The following FAT4 variants were observed in gnomAD, a reference collection of about 807,000 sequenced individuals.
The protein encoded by FAT4 is FAT atypical cadherin 4.
Under a neutral mutation model 303.9 loss-of-function variants are expected in FAT4, and 84 were observed. The observed-to-expected ratio is 0.28, with a 90% CI of 0.23 to 0.33. The LOEUF (loss-of-function observed/expected upper bound fraction) is 0.33, where lower values mean the gene tolerates loss of function less well. Among genes scored for constraint, FAT4 ranks in the 10% least tolerant of loss-of-function variants. FAT4 has a pLI of 1.00. For missense variants in FAT4, 6,005 were observed against 6,146.8 expected (o/e 0.98, Z 0.77); for synonymous variants, 2,307 against 2,298.8 (o/e 1.00, Z -0.10).
At chr4:125,334,378 A>G (rs574544353) in intron 2 of FAT4, among the ~76,000 whole-genome samples, 1 of 152,054 alleles carries the variant, frequency 6.6e-6, no homozygotes, top group East Asian at 1.9e-4. Context: ...TGTTGTCCCT[A>G]AATCCCATTT....
At chr4:125,352,789 T>G (rs957169370) in intron 2 of FAT4, among the ~76,000 whole-genome samples, 5 of 151,790 alleles carry the variant, frequency 3.3e-5, no homozygotes, top group Non-Finnish European at 1.5e-5. Flanking sequence ...TAGGGCTTTC[T>G]TCTGCTTCTT....
chr4:125,468,812 C>T lies in FAT4; in HGVS notation c.12206C>T (p.Ala4069Val), dbSNP rs1726762911. ...TTTCACACTGTGATTGCCAGGAGAGCAGGAATGGTAAGATATTTCATTTTA... is the reference window on the plus strand; with the variant it reads ...TTTCACACTGTGATTGCCAGGAGAGTAGGAATGGTAAGATATTTCATTTTA... ...GHFHTVIARRAGMAASLTVDS... is the reference protein window; with the variant it reads ...GHFHTVIARRVGMAASLTVDS... The change falls in exon 12 of 18, where the codon GCA becomes GTA. Residue 4069 changes from alanine (A) to valine (V), a missense_variant. Physicochemically the swap from Ala to Val is moderately conservative, Grantham distance 64. Transcript: ENST00000394329. The T allele has an allele frequency of 1.9e-6, 3 of 1,607,752 alleles. No individual in the cohort carries two copies. Among genetic ancestry groups the T allele is most frequent in the African/African-American group, 1.3e-5 (1 of 74,758 alleles).
chr4:125,339,422 T>A (rs554352099), intron 2 of FAT4, among the ~76,000 whole-genome samples: 66 of 152,184 alleles, frequency 4.3e-4, no homozygotes, highest in African/African-American at 1.6e-3. Flanking sequence ...GGTCTCGATC[T>A]TCTGACCTCG....
rs114232963 is a variant in FAT4 at position 125,481,289 on chromosome 4, A to G, written c.12605-232A>G. On this transcript the variant is annotated intron_variant, in intron 15 of 17. Coordinates refer to ENST00000394329, the MANE Select transcript of FAT4 (RefSeq NM_001291303.3). ...TAGTAAAATATTTCCCAAATGGTTA[A>G]TGACTGTCATAGAGTATTTTAAGTT... 2.0e-3 allele frequency among the ~76,000 whole-genome samples: 311 copies of G among 152,324 alleles called. 2 individuals carry two copies. Among genetic ancestry groups the G allele is most frequent in the African/African-American group, 6.9e-3 (285 of 41,584 alleles).
chr4:125,420,995 A>T (rs1473659548), intron 7 of FAT4, among the ~76,000 whole-genome samples: 1 of 152,130 alleles, frequency 6.6e-6, no homozygotes, highest in Non-Finnish European at 1.5e-5. Context: ...TAGTGGCATG[A>T]TCTTGGCTCA....
intron 2 of FAT4, among the ~76,000 whole-genome samples, chr4:125,354,300 ACACT>A (rs2125980547): frequency 6.6e-6 from 1 of 151,874 alleles, no homozygotes; most frequent in Non-Finnish European, 1.5e-5. Context: ...TATTTTGGTA[ACACT>A]CAACATGTAC....
chr4:125,411,122 G>C (rs1362402584), intron 5 of FAT4, among the ~76,000 whole-genome samples: 4 of 151,934 alleles, frequency 2.6e-5, no homozygotes, highest in Non-Finnish European at 5.9e-5. Flanking sequence ...TGATCAGAAG[G>C]TTCCAATGAG....
chr4:125,469,418 C>G (rs1486949745), intron 12 of FAT4, among the ~76,000 whole-genome samples: 1 of 152,156 alleles, frequency 6.6e-6, no homozygotes, highest in African/African-American at 2.4e-5. Flanking sequence ...AAAGATTTCT[C>G]TGTAGCATTT....
intron 10 of FAT4, among the ~76,000 whole-genome samples, 159 bp downstream of exon 10, chr4:125,452,969 CT>C (rs1333507262): frequency 1.3e-5 from 2 of 152,104 alleles, no homozygotes; most frequent in African/African-American, 4.8e-5. Flanking sequence ...GTTCTAAGCA[CT>C]TTTTATGTAT....
chr4:125,365,603 A>G (rs1265983762), intron 2 of FAT4, among the ~76,000 whole-genome samples: 2 of 152,174 alleles, frequency 1.3e-5, no homozygotes, highest in Non-Finnish European at 1.5e-5. Context: ...TTGCCAGGAG[A>G]TTCATAGACT....
At position 125,440,090 on chromosome 4, in the gene FAT4, C is replaced by T. The variant is rs566881351; in HGVS notation, c.7199+5665C>T. On this transcript the variant is annotated intron_variant, in intron 8 of 17. Transcript: ENST00000394329. ...TTTTTTCTTTTTATTCTTCTCATAT[C>T]ATCTTTTTTACTCCTAATATATTCT... Among the ~76,000 whole-genome samples, 6 of 152,150 alleles carry T rather than the reference C, an allele frequency of 3.9e-5. No homozygotes were observed. In the South Asian group the frequency reaches 1.2e-3, roughly 32 times the overall value.
intron 16 of FAT4, 132 bp from the exon 17 acceptor site, chr4:125,487,213 T>A: frequency 2.7e-6 from 2 of 729,488 alleles, no homozygotes; most frequent in Non-Finnish European, 4.3e-6. Flanking sequence ...GTAAGTATAT[T>A]CTAATACAAC....
chr4:125,375,172 G>C (rs984221688), intron 2 of FAT4, among the ~76,000 whole-genome samples: 3 of 152,122 alleles, frequency 2.0e-5, no homozygotes, highest in Non-Finnish European at 4.4e-5. Flanking sequence ...TAGTGATTTA[G>C]CAACCACAAA....
rs772525739 is a variant in FAT4, at chr4:125,316,810, C to T, written c.399C>T (p.Pro133=). 1.4e-5 allele frequency: 22 copies of T among 1,613,976 alleles called. No individual in the cohort carries two copies. The highest frequency in any genetic ancestry group is 1.8e-5 in the Non-Finnish European group (21 of 1,179,976). The change falls in exon 2 of 18, where the codon CCC becomes CCT. Residue 133 remains proline (P), a synonymous_variant. Coordinates refer to ENST00000394329, the MANE Select transcript of FAT4 (RefSeq NM_001291303.3). The surrounding 1 kb of genome is among the most constrained non-coding windows in gnomAD (Gnocchi z 5.7). The part of the protein sequence containing the change: ...VLVRDLNDNA[P]VFPDPSIVVT... ...TGCGGGACCTCAATGACAACGCCCC[C>T]GTTTTCCCGGACCCCTCTATCGTGG...
At chr4:125,396,949 T>G (rs1474809618) in intron 2 of FAT4, among the ~76,000 whole-genome samples, 8 of 108,446 alleles carry the variant, frequency 7.4e-5, no homozygotes, top group African/African-American at 2.5e-4. Context: ...TATATATATA[T>G]ATATATATAT....
Position 125,317,723 on chromosome 4 carries a change from G to C in FAT4, c.1312G>C (p.Val438Leu). The change falls in exon 2 of 18, where the codon GTT (valine) becomes CTT (leucine). Residue 438 changes from valine (V) to leucine (L), a missense_variant. By Grantham distance (32) the Val-to-Leu change is conservative. Transcript: ENST00000394329. This position sits in a 1 kb window ranked among gnomAD's most constrained non-coding sequence, Gnocchi z 7.0. ...RERIPSYNLT[V>L]SVSDNYGAPP... ...GCGCATCCCTTCCTACAACCTCACAGTTTCCGTCTCTGATAACTACGGGGC... is the reference window on the plus strand; with the variant it reads ...GCGCATCCCTTCCTACAACCTCACACTTTCCGTCTCTGATAACTACGGGGC... The C allele has an allele frequency of 6.2e-7, 1 of 1,614,104 alleles. No individual in the cohort carries two copies. Among genetic ancestry groups the C allele is most frequent in the Non-Finnish European group, 8.5e-7 (1 of 1,180,028 alleles).
chr4:125,388,105 A>G (rs1474358622), intron 2 of FAT4, among the ~76,000 whole-genome samples: 1 of 152,206 alleles, frequency 6.6e-6, no homozygotes, highest in Admixed American at 6.5e-5. Context: ...ATACTGTTCT[A>G]GTGACCATGG....
intron 10 of FAT4, among the ~76,000 whole-genome samples, chr4:125,455,413 T>G (rs1204473380): frequency 6.6e-6 from 1 of 152,206 alleles, no homozygotes; most frequent in Admixed American, 6.5e-5. Flanking sequence ...AAAAATGCCT[T>G]TCCTTACATC....
chr4:125,432,073 A>G (rs1304507780), intron 7 of FAT4, among the ~76,000 whole-genome samples: 1 of 152,154 alleles, frequency 6.6e-6, no homozygotes, highest in African/African-American at 2.4e-5. Context: ...TGTCCCACAA[A>G]CTTAAGCTGG....
Sources: allele counts gnomAD v4.1 joint callset (sites outside exome capture counted in the v4.1 genomes callset), GRCh38; gene constraint gnomAD v4.1.1; non-coding constraint Gnocchi (gnomAD v3.1); transcripts MANE v1.5; gene names NCBI Gene and HGNC (gene_info 2026-07-23, HGNC 2026-07-21).